The following SH3RF3 variants were observed in gnomAD, a reference collection of about 807,000 sequenced individuals.
The protein encoded by SH3RF3 is SH3 domain containing ring finger 3, also known as E3 ubiquitin-protein ligase SH3RF3.
SH3RF3 carries 29 observed loss-of-function variants against 66.3 expected under a neutral mutation model. The ratio of observed to expected loss-of-function variants is 0.44; its 90% CI spans 0.33 to 0.60. The LOEUF is 0.60. Ranked by LOEUF, SH3RF3 falls within the 20% of genes least tolerant of loss-of-function variation. The pLI, the probability that SH3RF3 is intolerant of heterozygous loss-of-function variation, is 0.04. For synonymous variants in SH3RF3, 583 were observed against 532.0 expected (o/e 1.10, Z -1.32); for missense variants, 1,194 against 1,190.9 (o/e 1.00, Z -0.04).
intron 1 of SH3RF3, among the ~76,000 whole-genome samples, chr2:109,248,785 C>A (rs906806339): frequency 6.7e-6 from 1 of 150,034 alleles, no homozygotes; most frequent in African/African-American, 2.5e-5. Context: ...TTCTTTCTGT[C>A]TTTCTCTTTC....
intron 8 of SH3RF3, among the ~76,000 whole-genome samples, chr2:109,468,814 AG>A (rs1318064378): frequency 1.4e-5 from 2 of 147,272 alleles, no homozygotes; most frequent in Non-Finnish European, 3.0e-5. Context: ...AGATCGCGGC[AG>A]TGCACTCCAG....
intron 1 of SH3RF3, among the ~76,000 whole-genome samples, chr2:109,196,239 T>C (rs1678496313): frequency 1.3e-5 from 2 of 152,298 alleles, no homozygotes; most frequent in Admixed American, 1.3e-4. Flanking sequence ...CGGCAGAGAC[T>C]GCCCACCCTC....
chr2:109,281,389 T>C (rs1408951935), intron 1 of SH3RF3, among the ~76,000 whole-genome samples: 1 of 152,208 alleles, frequency 6.6e-6, no homozygotes, highest in Non-Finnish European at 1.5e-5. Context: ...AGGGAAGGAC[T>C]AGCTCTGCCG....
intron 1 of SH3RF3, among the ~76,000 whole-genome samples, chr2:109,323,061 A>C (rs149822967): frequency 1.3e-5 from 2 of 152,330 alleles, no homozygotes; most frequent in East Asian, 3.9e-4. Context: ...TATCAGAGAC[A>C]GGAGGGAGCT....
chr2:109,311,822 G>A (rs1341061863), intron 1 of SH3RF3, among the ~76,000 whole-genome samples: 1 of 151,970 alleles, frequency 6.6e-6, no homozygotes, highest in African/African-American at 2.4e-5. Context: ...TTACTAAAAT[G>A]GTGGTTTGTC....
Position 109,400,423 on chromosome 2 carries a change from CAT to C in SH3RF3, c.1299+1483_1299+1484del, listed in dbSNP as rs769954006. Among the ~76,000 whole-genome samples the C allele has an allele frequency of 3.5e-4, 53 of 152,306 alleles. No individual in the cohort carries two copies. The East Asian group carries it at 5.0e-3, about 14-fold the overall frequency. On this transcript the variant is annotated intron_variant, in intron 4 of 9. Coordinates refer to ENST00000309415, the MANE Select transcript of SH3RF3 (RefSeq NM_001099289.3). Reference sequence around the variant, plus strand: ...ACATATACACATATACACCTGTGCACATATGTGCACTTATATGCACCCCTTCC... The same window carrying C: ...ACATATACACATATACACCTGTGCACATGTGCACTTATATGCACCCCTTCC...
chr2:109,445,742 T>G (rs1573257629), intron 7 of SH3RF3, among the ~76,000 whole-genome samples: 1 of 150,554 alleles, frequency 6.6e-6, no homozygotes, highest in African/African-American at 2.4e-5. Context: ...GGGAGGGGTG[T>G]GGGGAAGTAG....
chr2:109,325,108 A>G (rs542000237), intron 1 of SH3RF3, among the ~76,000 whole-genome samples: 67 of 152,248 alleles, frequency 4.4e-4, no homozygotes, highest in African/African-American at 1.6e-3. Flanking sequence ...ACAAGGCCCA[A>G]GAGGTCAGGG....
chr2:109,404,756 T>A (rs1039379056), intron 4 of SH3RF3, among the ~76,000 whole-genome samples: 2 of 152,158 alleles, frequency 1.3e-5, no homozygotes, highest in Non-Finnish European at 2.9e-5. Flanking sequence ...CCCATGGATG[T>A]GCTCGACTCT....
intron 2 of SH3RF3, among the ~76,000 whole-genome samples, chr2:109,357,840 T>C (rs1275115690): frequency 6.6e-6 from 1 of 152,198 alleles, no homozygotes; most frequent in African/African-American, 2.4e-5. Context: ...CCTCTGCCCC[T>C]ACATGCAAAG....
intron 2 of SH3RF3, among the ~76,000 whole-genome samples, chr2:109,351,242 G>T (rs184490192): frequency 4.0e-4 from 61 of 152,302 alleles, no homozygotes; most frequent in Non-Finnish European, 5.9e-4. Flanking sequence ...CCAGTCACCC[G>T]GGAGGGGCTG....
At chr2:109,436,460 A>C (rs1246775945) in intron 6 of SH3RF3, among the ~76,000 whole-genome samples, 2 of 152,164 alleles carry the variant, frequency 1.3e-5, no homozygotes, top group Admixed American at 1.3e-4. Flanking sequence ...AGCAGATGCG[A>C]GGTGGCAGTC....
intron 6 of SH3RF3, among the ~76,000 whole-genome samples, chr2:109,434,748 C>T (rs1301042715): frequency 6.6e-6 from 1 of 152,232 alleles, no homozygotes; most frequent in African/African-American, 2.4e-5. Flanking sequence ...CATTCAGGAT[C>T]CCCCCTCACA....
At chr2:109,448,880 A>G (rs1384419871) in intron 7 of SH3RF3, among the ~76,000 whole-genome samples, 1 of 152,200 alleles carries the variant, frequency 6.6e-6, no homozygotes, top group Non-Finnish European at 1.5e-5. Context: ...GAATGTGCCC[A>G]TGTTCATGGC....
At chr2:109,268,465 A>T (rs1319462350) in intron 1 of SH3RF3, among the ~76,000 whole-genome samples, 1 of 152,058 alleles carries the variant, frequency 6.6e-6, no homozygotes, top group Admixed American at 6.5e-5. Flanking sequence ...GTGTGGCTGC[A>T]GCAGCTCCTT....
intron 3 of SH3RF3, among the ~76,000 whole-genome samples, chr2:109,380,567 G>C (rs1043876054): frequency 6.6e-6 from 1 of 152,230 alleles, no homozygotes; most frequent in Admixed American, 6.5e-5. Flanking sequence ...AAGTTTTTGT[G>C]AAGCCCCTTG....
intron 3 of SH3RF3, among the ~76,000 whole-genome samples, chr2:109,372,167 T>A (rs1683286675): frequency 6.6e-6 from 1 of 152,242 alleles, no homozygotes; most frequent in South Asian, 2.1e-4. Context: ...CTCTTCTGCC[T>A]GAGAGGCACC....
chr2:109,159,277 C>T (rs1249011439), intron 1 of SH3RF3, among the ~76,000 whole-genome samples: 2 of 152,224 alleles, frequency 1.3e-5, no homozygotes, highest in African/African-American at 4.8e-5. Context: ...CCCGGCGCAG[C>T]TGCCTCTCTC....
intron 1 of SH3RF3, among the ~76,000 whole-genome samples, chr2:109,257,437 G>T (rs1680248016): frequency 6.6e-6 from 1 of 152,026 alleles, no homozygotes; most frequent in Non-Finnish European, 1.5e-5. Flanking sequence ...GGAAGGGACG[G>T]AGGGAGGGAG....
Sources: gnomAD v4.1 joint callset for allele counts (sites outside exome capture counted in the v4.1 genomes callset) on GRCh38, gnomAD v4.1.1 for gene constraint, MANE v1.5 for transcripts, NCBI Gene and HGNC (gene_info 2026-07-23, HGNC 2026-07-21) for gene names.